The following TNS3 variants were observed in gnomAD, a reference collection of about 807,000 sequenced individuals.
The protein encoded by TNS3 is tensin-3.
TNS3 carries 45 observed loss-of-function variants against 140.9 expected under a neutral mutation model. That is an observed-to-expected ratio of 0.32 (90% confidence interval 0.25 to 0.41). TNS3 has a LOEUF of 0.41. Among genes scored for constraint, TNS3 ranks in the 10% least tolerant of loss-of-function variants. TNS3 has a pLI of 1.00. For synonymous variants in TNS3, 815 were observed against 788.4 expected (o/e 1.03, Z -0.56); for missense variants, 1,716 against 1,906.7 (o/e 0.90, Z 1.86).
chr7:47,439,889 G>T (rs932757505), intron 5 of TNS3, among the ~76,000 whole-genome samples: 6 of 152,110 alleles, frequency 3.9e-5, no homozygotes, highest in Non-Finnish European at 8.8e-5. Flanking sequence ...GCATGACGGG[G>T]TACCGCAAGC....
intron 1 of TNS3, among the ~76,000 whole-genome samples, chr7:47,546,472 C>T (rs1039990227): frequency 5.9e-5 from 9 of 152,118 alleles, no homozygotes; most frequent in Non-Finnish European, 1.0e-4. Context: ...AAAACCCCTC[C>T]CCAGGTGGCC....
chr7:47,575,005 G>A (rs1017746532), intron 1 of TNS3, among the ~76,000 whole-genome samples: 1 of 152,062 alleles, frequency 6.6e-6, no homozygotes, highest in Non-Finnish European at 1.5e-5. Context: ...TGATTAAAAC[G>A]ACAAAGTTCA....
chr7:47,285,355 T>C lies in TNS3; in HGVS notation c.3929-1490A>G, dbSNP rs141404761. On this transcript the variant is annotated intron_variant, in intron 27 of 30. Transcript: ENST00000311160. ...TAGCTCCCATAATTCCCATGTGTGG[T>C]GGGAGCAACCTGGTGGGAGGTAATT... is the stretch of plus-strand genomic sequence containing the variant. Among the ~76,000 whole-genome samples, 1,237 of 152,322 alleles carry C rather than the reference T, an allele frequency of 8.1e-3. 12 individuals are homozygous for C. Among genetic ancestry groups the C allele is most frequent in the South Asian group, 0.019 (92 of 4,828 alleles).
chr7:47,461,338 C>A (rs1796481268), intron 4 of TNS3, among the ~76,000 whole-genome samples: 1 of 152,240 alleles, frequency 6.6e-6, no homozygotes, highest in East Asian at 1.9e-4. Context: ...TTCCCACCAA[C>A]CATGGATCTG....
intron 1 of TNS3, among the ~76,000 whole-genome samples, chr7:47,556,224 G>A (rs1800192250): frequency 6.6e-6 from 1 of 152,212 alleles, no homozygotes; most frequent in Non-Finnish European, 1.5e-5. Context: ...GCAGTAAGAG[G>A]TTCTAGTAAA....
At chr7:47,288,854 A>C (rs1405752859) in intron 27 of TNS3, among the ~76,000 whole-genome samples, 1 of 152,260 alleles carries the variant, frequency 6.6e-6, no homozygotes, top group Non-Finnish European at 1.5e-5. Context: ...CACTGACCAG[A>C]TACAAACCTC....
In TNS3 at chr7:47,396,904, C is replaced by G. The variant is rs1194318472; in HGVS notation, c.920G>C (p.Gly307Ala). The G allele has an allele frequency of 1.9e-6, 3 of 1,612,242 alleles. No homozygotes were observed. The highest frequency in any genetic ancestry group is 3.3e-5 in the Admixed American group (2 of 60,018). The stretch of plus-strand genomic sequence containing the variant: ...GTGGTCGTTGTACAAGTGTTCGGAC[C>G]CTGCACAGAGCACAGGCAGCAACAT... ...VFSATPEKIQ[G>A]SEHLYNDHGV... is the part of the protein sequence containing the mutation. The change falls in exon 16 of 31, where the codon GGG becomes GCG. Residue 307 changes from glycine to alanine, a missense_variant and splice_region_variant. Gly to Ala is a moderately conservative substitution (Grantham distance 60). Coordinates refer to ENST00000311160, the MANE Select transcript of TNS3 (RefSeq NM_022748.12).
intron 3 of TNS3, among the ~76,000 whole-genome samples, chr7:47,486,365 C>T (rs754578260): frequency 6.6e-6 from 1 of 151,140 alleles, no homozygotes; most frequent in Non-Finnish European, 1.5e-5. Flanking sequence ...GATGTGAGAG[C>T]GTGTCTGTGT....
intron 4 of TNS3, chr7:47,470,465 G>A (rs1796905149): frequency 1.0e-6 from 1 of 985,342 alleles, no homozygotes; most frequent in South Asian, 4.7e-5. Context: ...GTCTGCTGCA[G>A]ACGTCCAGTC....
rs1278795483 is a variant in TNS3 at position 47,476,353 on chromosome 7, GCGTGTACACATA to G, written c.-76+4738_-76+4749del. Among the ~76,000 whole-genome samples, 3 of 152,166 alleles carry G rather than the reference GCGTGTACACATA, an allele frequency of 2.0e-5. No homozygotes were observed. In the East Asian group the frequency reaches 5.8e-4, roughly 29 times the overall value. ...GTGCCTGTGTGCGCATGTGAGCACTGCGTGTACACATACACGTAGACTTACAGAGCAGCTGGA... is the reference window on the plus strand; with the variant it reads ...GTGCCTGTGTGCGCATGTGAGCACTGCACGTAGACTTACAGAGCAGCTGGA... On this transcript the variant is annotated intron_variant, in intron 4 of 30. Coordinates refer to ENST00000311160, the MANE Select transcript of TNS3 (RefSeq NM_022748.12).
intron 17 of TNS3, among the ~76,000 whole-genome samples, chr7:47,348,086 T>G (rs987748264): frequency 6.6e-6 from 1 of 152,204 alleles, no homozygotes; most frequent in African/African-American, 2.4e-5. Flanking sequence ...AACACACACA[T>G]GCATTTGCAG....
chr7:47,575,491 T>C (rs568333916), intron 1 of TNS3, among the ~76,000 whole-genome samples: 3 of 152,196 alleles, frequency 2.0e-5, no homozygotes, highest in African/African-American at 7.2e-5. Flanking sequence ...GAAAACTATT[T>C]TGTAGAAAAA....
At chr7:47,333,859 G>T (rs1346504034) in intron 20 of TNS3, among the ~76,000 whole-genome samples, 7 of 152,116 alleles carry the variant, frequency 4.6e-5, no homozygotes, top group Admixed American at 3.9e-4. Context: ...ACAAATTTTT[G>T]TTACACTAGC....
In TNS3 at chr7:47,303,320, A is replaced by G. The variant is rs1216562283; in HGVS notation, c.3087T>C (p.Ser1029=). The G allele has an allele frequency of 6.2e-7, 1 of 1,613,452 alleles. No homozygotes were observed. The highest frequency in any genetic ancestry group is 8.5e-7 in the Non-Finnish European group (1 of 1,179,864). The change falls in exon 22 of 31, where the codon AGT becomes AGC. Residue 1029 remains serine (S), a synonymous_variant. Transcript: ENST00000311160. ...FLGFGTAPVG[S]GLPPEEDLGA... ...CCAGGTCCTCCTCGGGCGGAAGGCC[A>G]CTTCCCACTGGGGCGGTGCCGAAGC...
chr7:47,298,457 C>T (rs1433576300), intron 23 of TNS3, among the ~76,000 whole-genome samples: 3 of 152,250 alleles, frequency 2.0e-5, no homozygotes, highest in African/African-American at 7.2e-5. Context: ...CAACTCGATA[C>T]TGCCCAGACA....
At chr7:47,306,956 T>C (rs778507265) in intron 20 of TNS3, among the ~76,000 whole-genome samples, 3 of 152,238 alleles carry the variant, frequency 2.0e-5, no homozygotes, top group Non-Finnish European at 4.4e-5. Context: ...AGTTATCTAA[T>C]AGACCTTGGT....
At chr7:47,458,747 G>A (rs1159601202) in intron 4 of TNS3, among the ~76,000 whole-genome samples, 1 of 152,178 alleles carries the variant, frequency 6.6e-6, no homozygotes, top group Non-Finnish European at 1.5e-5. Flanking sequence ...CATCTGAGGA[G>A]CCTGTGTAGA....
At chr7:47,319,499 G>A (rs921873376) in intron 20 of TNS3, among the ~76,000 whole-genome samples, 4 of 152,082 alleles carry the variant, frequency 2.6e-5, no homozygotes, top group Admixed American at 6.6e-5. Flanking sequence ...GAACTCACTC[G>A]TTACCATGAG....
At chr7:47,549,624 G>GC (rs797020635) in intron 1 of TNS3, among the ~76,000 whole-genome samples, 18 of 152,190 alleles carry the variant, frequency 1.2e-4, no homozygotes, top group African/African-American at 4.3e-4. Flanking sequence ...TTACAAACGG[G>GC]CTCACTTCCC....
Sources: gnomAD v4.1 joint callset for allele counts (sites outside exome capture counted in the v4.1 genomes callset) on GRCh38, gnomAD v4.1.1 for gene constraint, MANE v1.5 for transcripts, NCBI Gene and HGNC (gene_info 2026-07-23, HGNC 2026-07-21) for gene names.